Variants in FTCDNL1 observed in about 807,000 individuals in gnomAD.
FTCDNL1 encodes formiminotransferase N-terminal subdomain-containing protein.
In FTCDNL1, 11 loss-of-function variants were observed where a neutral mutation model predicts 5.9. The observed-to-expected ratio is 1.87, with a 90% CI of 1.18 to 3.10. The LOEUF (loss-of-function observed/expected upper bound fraction) is 3.10. Among genes scored for constraint, FTCDNL1 ranks in the 30% most tolerant of loss-of-function variants. FTCDNL1 has a pLI of 0.00. For synonymous variants in FTCDNL1, 58 were observed against 24.8 expected, an observed-to-expected ratio of 2.34 and a Z score of -3.99; for missense variants, 115 against 65.5, an observed-to-expected ratio of 1.76 and a Z score of -2.61.
At chr2:199,671,138 A>G in the FTCDNL1 span, among the ~76,000 whole-genome samples, 6,836 of 148,034 alleles carry the variant, frequency 0.046, 535 homozygotes, top group African/African-American at 0.16. Context: ...GAAACCAGGA[A>G]AGGCATAATA....
chr2:199,758,147 G>C (rs941118588), downstream of FTCDNL1, among the ~76,000 whole-genome samples: 7 of 151,962 alleles, frequency 4.6e-5, no homozygotes, highest in African/African-American at 1.7e-4. Context: ...ATCCTCAGAG[G>C]GACCAGTACC....
chr2:199,801,372 G>T (rs1380889644), intron 3 of FTCDNL1, among the ~76,000 whole-genome samples: 2 of 152,130 alleles, frequency 1.3e-5, no homozygotes, highest in South Asian at 2.1e-4. Flanking sequence ...CCCTGCTGGG[G>T]GTAGTGGCTC....
At chr2:199,717,520 T>C in the FTCDNL1 span, among the ~76,000 whole-genome samples, 16 of 143,640 alleles carry the variant, frequency 1.1e-4, no homozygotes, top group African/African-American at 4.2e-4. Flanking sequence ...TTTTTTTTTT[T>C]TTTTTTTTTT....
intron 3 of FTCDNL1, among the ~76,000 whole-genome samples, chr2:199,820,382 T>TA (rs1261436677): frequency 3.9e-5 from 6 of 152,116 alleles, no homozygotes; most frequent in Non-Finnish European, 8.8e-5. Flanking sequence ...CACAGGAGGA[T>TA]AGAGTGAAGC....
the FTCDNL1 span, among the ~76,000 whole-genome samples, chr2:199,680,787 A>C: frequency 3.9e-5 from 6 of 152,214 alleles, no homozygotes; most frequent in Admixed American, 6.5e-5. Context: ...GGTTAATTAG[A>C]AATGTGTTTG....
intron 3 of FTCDNL1, among the ~76,000 whole-genome samples, chr2:199,781,848 C>T (rs1344340289): frequency 6.6e-6 from 1 of 152,070 alleles, no homozygotes; most frequent in Non-Finnish European, 1.5e-5. Flanking sequence ...GGCGCCATCT[C>T]GGCTCACTGC....
At chr2:199,819,793 A>T in intron 3 of FTCDNL1, 36 bp from the exon 4 acceptor site, 1 of 675,936 alleles carries the variant, frequency 1.5e-6, no homozygotes, top group Middle Eastern at 2.4e-4. Context: ...AGAAAATCAC[A>T]ATCAAGCCAA....
intron 3 of FTCDNL1, among the ~76,000 whole-genome samples, chr2:199,765,931 C>G (rs529135790): frequency 5.3e-5 from 8 of 152,114 alleles, no homozygotes; most frequent in Non-Finnish European, 8.8e-5. Flanking sequence ...CTTTCTCCTT[C>G]TCTGTCCCTC....
the FTCDNL1 span, among the ~76,000 whole-genome samples, chr2:199,664,276 C>T: frequency 1.3e-5 from 2 of 152,040 alleles, no homozygotes; most frequent in African/African-American, 4.8e-5. Flanking sequence ...TTTTTAAATG[C>T]GTATGTATTT....
At chr2:199,849,196 A>G (rs1574713463) in intron 1 of FTCDNL1, among the ~76,000 whole-genome samples, 2 of 152,348 alleles carry the variant, frequency 1.3e-5, no homozygotes, top group East Asian at 3.9e-4. Context: ...ACTGGAAAAT[A>G]CCTGGCAGGG....
chr2:199,695,479 T>A, the FTCDNL1 span, among the ~76,000 whole-genome samples: 1 of 152,062 alleles, frequency 6.6e-6, no homozygotes, highest in African/African-American at 2.4e-5. Context: ...TTGTAAAATA[T>A]CTCTTAATAA....
In FTCDNL1 at chr2:199,812,550, TGC is replaced by T; in HGVS notation, c.*153_*154del. 2.2e-6 allele frequency: 1 copy of T among 452,888 alleles called. No homozygotes were observed. The highest frequency in any genetic ancestry group is 2.0e-5 in the African/African-American group (1 of 49,826). 28.1% of individuals were successfully genotyped at this position (452,888 alleles called of 1,614,324 possible). On this transcript the variant is annotated 3_prime_UTR_variant, in exon 5 of 5. Coordinates refer to ENST00000420128, the MANE Select transcript of FTCDNL1 (RefSeq NM_001363886.2). ...ATATAATTAAAGTAATTCCACTTTT[TGC>T]TCTAAAATTAGAAACCTGATGTGAA...
At chr2:199,689,581 C>T in the FTCDNL1 span, among the ~76,000 whole-genome samples, 1 of 152,086 alleles carries the variant, frequency 6.6e-6, no homozygotes, top group African/African-American at 2.4e-5. Flanking sequence ...TAACCTCACC[C>T]CTGTTCAGTA....
downstream of FTCDNL1, among the ~76,000 whole-genome samples, chr2:199,807,566 G>A (rs1239710184): frequency 6.6e-6 from 1 of 152,178 alleles, no homozygotes; most frequent in Non-Finnish European, 1.5e-5. Context: ...GAACCTGGAA[G>A]GTGGAGGTTG....
the FTCDNL1 span, among the ~76,000 whole-genome samples, chr2:199,754,531 G>C: frequency 6.6e-6 from 1 of 152,088 alleles, no homozygotes; most frequent in Non-Finnish European, 1.5e-5. Context: ...CTGATGCCTG[G>C]ACTAGCACAC....
chr2:199,765,556 A>ATATATATATATTTT, intron 3 of FTCDNL1, among the ~76,000 whole-genome samples: 1 of 42,648 alleles, frequency 2.3e-5, no homozygotes, highest in Non-Finnish European at 4.8e-5. Context: ...ATATATATAT[A>ATATATATATATTTT]TTTTTTTTTT....
chr2:199,800,222 G>A (rs1296021085), intron 3 of FTCDNL1, among the ~76,000 whole-genome samples: 1 of 152,176 alleles, frequency 6.6e-6, no homozygotes, highest in African/African-American at 2.4e-5. Flanking sequence ...ACTTCAGAAA[G>A]GACAAACCTA....
the FTCDNL1 span, among the ~76,000 whole-genome samples, chr2:199,689,810 TAAA>T: frequency 8.5e-6 from 1 of 116,996 alleles, no homozygotes. Context: ...AAACTCCGTC[TAAA>T]AAAAAAAAAA....
intron 3 of FTCDNL1, among the ~76,000 whole-genome samples, chr2:199,793,435 G>C (rs1700027933): frequency 6.6e-6 from 1 of 151,998 alleles, no homozygotes; most frequent in Non-Finnish European, 1.5e-5. Flanking sequence ...CATCAATAAA[G>C]AGTCATAATA....
Sources: gnomAD v4.1 joint callset for allele counts (sites outside exome capture counted in the v4.1 genomes callset) on GRCh38, gnomAD v4.1.1 for gene constraint, MANE v1.5 for transcripts, NCBI Gene and HGNC (gene_info 2026-07-23, HGNC 2026-07-21) for gene names.